Variants in ZNF346 observed in about 807,000 individuals in gnomAD.
ZNF346 encodes the protein zinc finger protein 346, also known as double-stranded RNA-binding zinc finger protein JAZ.
Under a neutral mutation model 33.7 loss-of-function variants are expected in ZNF346, and 23 were observed. That is an observed-to-expected ratio of 0.68 (90% CI 0.49 to 0.97). ZNF346 has a LOEUF of 0.97. Among genes scored for constraint, ZNF346 ranks in the 50% least tolerant of loss-of-function variants. The pLI is 0.00. For synonymous variants in ZNF346, 134 were observed against 142.4 expected (o/e 0.94, Z 0.42); for missense variants, 340 against 371.1 (o/e 0.92, Z 0.69).
intron 3 of ZNF346, 155 bp downstream of exon 3, chr5:177,042,025 C>A: frequency 1.9e-6 from 1 of 530,330 alleles, no homozygotes; most frequent in Admixed American, 3.3e-5. Context: ...ATTTCTTCCT[C>A]TATAAAAATG....
In ZNF346 at chr5:177,056,451, G is replaced by A. The variant is rs189290172; in HGVS notation, c.703+5515G>A. On this transcript the variant is annotated intron_variant, in intron 5 of 6. Coordinates refer to ENST00000358149, the MANE Select transcript of ZNF346 (RefSeq NM_012279.4). Reference sequence around the variant, plus strand: ...TACCCAAAGGATTATAAATCATACAGCTATAAAGACACATGTATGTTTATT... The same window carrying A: ...TACCCAAAGGATTATAAATCATACAACTATAAAGACACATGTATGTTTATT... 1.4e-4 allele frequency among the ~76,000 whole-genome samples: 21 copies of A among 152,220 alleles called. 1 individual carries two copies. The East Asian group carries it at 4.0e-3, about 29-fold the overall frequency.
intron 5 of ZNF346, among the ~76,000 whole-genome samples, chr5:177,054,073 G>T (rs1942028019): frequency 7.6e-6 from 1 of 131,830 alleles, no homozygotes; most frequent in African/African-American, 2.9e-5. Flanking sequence ...TTTACTTCTG[G>T]AATTTTTTTT....
chr5:177,078,854 A>T (rs1783871960), intron 8 of ZNF346, among the ~76,000 whole-genome samples: 1 of 152,092 alleles, frequency 6.6e-6, no homozygotes, highest in Non-Finnish European at 1.5e-5. Flanking sequence ...GGTTGCAGTG[A>T]GCCGAGATCA....
At chr5:177,062,221 C>T in intron 6 of ZNF346, 70 bp downstream of exon 6, 5 of 1,308,354 alleles carry the variant, frequency 3.8e-6, no homozygotes, top group Non-Finnish European at 5.5e-6. Flanking sequence ...AGAACAAAGC[C>T]AGGTAGTTCT....
chr5:177,062,486 G>T (rs1307536868), intron 6 of ZNF346, among the ~76,000 whole-genome samples: 1 of 151,996 alleles, frequency 6.6e-6, no homozygotes, highest in Non-Finnish European at 1.5e-5. Flanking sequence ...TCCTTTTCTG[G>T]CAGGAGTTCC....
intron 4 of ZNF346, among the ~76,000 whole-genome samples, chr5:177,048,223 C>T (rs1386951906): frequency 6.6e-6 from 1 of 152,168 alleles, no homozygotes; most frequent in African/African-American, 2.4e-5. Flanking sequence ...GACTTACTTA[C>T]ACTTTCACTT....
chr5:177,028,864 C>T (rs968942877), intron 1 of ZNF346, among the ~76,000 whole-genome samples: 3 of 151,542 alleles, frequency 2.0e-5, no homozygotes, highest in South Asian at 2.1e-4. Flanking sequence ...GGACTATAGG[C>T]GCCCACCACC....
chr5:177,074,076 C>T (rs1783634323), intron 8 of ZNF346, among the ~76,000 whole-genome samples: 2 of 152,160 alleles, frequency 1.3e-5, no homozygotes, highest in African/African-American at 4.8e-5. Flanking sequence ...TCTAGCATAG[C>T]CAATCCACAG....
intron 1 of ZNF346, among the ~76,000 whole-genome samples, chr5:177,026,840 G>C (rs1474239801): frequency 1.3e-5 from 2 of 152,142 alleles, no homozygotes; most frequent in African/African-American, 2.4e-5. Context: ...AAATAACATT[G>C]GTTAGTGATT....
intron 1 of ZNF346, among the ~76,000 whole-genome samples, chr5:177,024,200 C>T (rs1353014812): frequency 5.8e-5 from 5 of 86,894 alleles, no homozygotes; most frequent in East Asian, 3.8e-4. Context: ...GCCCTCTCTC[C>T]TTTTTTTTTT....
chr5:177,080,948 G>T (rs1409681942), exon 9 of ZNF346: 2 of 152,206 alleles, frequency 1.3e-5, no homozygotes, highest in East Asian at 3.9e-4. Flanking sequence ...GGTTGGAAAA[G>T]AATGATAAAA....
At chr5:177,062,203 T>G (rs767314581) in intron 6 of ZNF346, 52 bp downstream of exon 6, 31 of 1,479,962 alleles carry the variant, frequency 2.1e-5, no homozygotes, top group Admixed American at 1.9e-4. Flanking sequence ...GCTCAGGACT[T>G]CTGCATCAGA....
chr5:177,034,714 C>T (rs1243468121), intron 1 of ZNF346, among the ~76,000 whole-genome samples: 1 of 152,202 alleles, frequency 6.6e-6, no homozygotes, highest in African/African-American at 2.4e-5. Context: ...TACGTAACAT[C>T]TCATAGGATG....
At chr5:177,078,197 C>A (rs1783843964) in intron 8 of ZNF346, among the ~76,000 whole-genome samples, 1 of 152,140 alleles carries the variant, frequency 6.6e-6, no homozygotes, top group Non-Finnish European at 1.5e-5. Context: ...TCCAGAAATA[C>A]CTGCTGAATG....
downstream of ZNF346, among the ~76,000 whole-genome samples, chr5:177,071,812 A>G (rs73343968): frequency 7.2e-3 from 1,095 of 152,316 alleles, 13 homozygotes; most frequent in African/African-American, 0.024. Context: ...TACAATAGGA[A>G]GAACACTTTC....
At chr5:177,078,060 T>G (rs1244342839) in intron 8 of ZNF346, among the ~76,000 whole-genome samples, 2 of 151,758 alleles carry the variant, frequency 1.3e-5, no homozygotes, top group Admixed American at 6.6e-5. Flanking sequence ...GGCAGGAAAA[T>G]TGCTTGAACC....
At chr5:177,041,711 G>GT in intron 2 of ZNF346, 67 bp from the exon 3 acceptor site, 1 of 1,026,670 alleles carries the variant, frequency 9.7e-7, no homozygotes. Context: ...TCTCATAAGT[G>GT]TTTTTGAGTG....
chr5:177,046,832 A>G (rs865819648), intron 4 of ZNF346, among the ~76,000 whole-genome samples: 1 of 152,202 alleles, frequency 6.6e-6, no homozygotes, highest in Middle Eastern at 3.4e-3. Context: ...AATAACTTTC[A>G]TGTTTTTATA....
chr5:177,075,523 T>C (rs1374486840), intron 8 of ZNF346, among the ~76,000 whole-genome samples: 1 of 152,214 alleles, frequency 6.6e-6, no homozygotes, highest in African/African-American at 2.4e-5. Context: ...CTTTACTTAC[T>C]GATTGATTGA....
Sources: allele counts gnomAD v4.1 joint callset (sites outside exome capture counted in the v4.1 genomes callset), GRCh38; gene constraint gnomAD v4.1.1; transcripts MANE v1.5; gene names NCBI Gene and HGNC (gene_info 2026-07-23, HGNC 2026-07-21).